The following NECAB2 variants were observed in gnomAD, a reference collection of about 807,000 sequenced individuals.
NECAB2 encodes the protein N-terminal EF-hand calcium binding protein 2, also known as N-terminal EF-hand calcium-binding protein 2.
A neutral mutation model predicts 51.9 loss-of-function variants in NECAB2; 68 were observed. That is an observed-to-expected ratio of 1.31 (90% confidence interval 1.08 to 1.60). NECAB2 has a LOEUF of 1.60. Ranked by LOEUF, NECAB2 falls within the 40% of genes most tolerant of loss-of-function variation. The pLI is 0.00. For synonymous variants in NECAB2, 329 were observed against 203.5 expected, an observed-to-expected ratio of 1.62 and a Z score of -5.25; for missense variants, 854 against 490.3, an observed-to-expected ratio of 1.74 and a Z score of -7.00.
In NECAB2 at chr16:83,998,312, C is replaced by T. The variant is rs762305706; in HGVS notation, c.957C>T (p.Cys319=). ...YLRGTTGVRN[C]FHITAVRLSD... Reference sequence around the variant, plus strand: ...GGGGGACCACTGGCGTGAGGAACTGCTTCCAGTGAGTGAGCTGCCGAGGCG... The same window carrying T: ...GGGGGACCACTGGCGTGAGGAACTGTTTCCAGTGAGTGAGCTGCCGAGGCG... The change falls in exon 10 of 13, where the codon TGC becomes TGT. Residue 319 remains cysteine, a synonymous_variant. Transcript: ENST00000305202. 7 of 1,613,292 alleles carry T rather than the reference C, an allele frequency of 4.3e-6. No individual in the cohort carries two copies. In the African/African-American group the frequency reaches 5.3e-5, roughly 12 times the overall value.
At chr16:83,993,006 C>T (rs113247587) in intron 6 of NECAB2, among the ~76,000 whole-genome samples, 9,901 of 152,260 alleles carry the variant, frequency 0.065, 405 homozygotes, top group Middle Eastern at 0.12. Flanking sequence ...TCAGCAGTTA[C>T]ACCCACCTGC....
Position 83,998,251 on chromosome 16 carries a change from T to C in NECAB2, c.896T>C (p.Leu299Pro). ...GAGATGGCCGTGTGCCCCGAGCAAC[T>C]GAGCGAGTTTCTGGACTCTCTGCGC... ...RQEMAVCPEQ[L>P]SEFLDSLRQY... Residue 299 changes from leucine (L) to proline (P), a missense_variant, in exon 10 of 13, where the codon CTG (leucine) becomes CCG (proline). Coordinates refer to ENST00000305202, the MANE Select transcript of NECAB2 (RefSeq NM_019065.3). 6.2e-7 allele frequency: 1 copy of C among 1,612,982 alleles called. No homozygotes were observed. Among genetic ancestry groups the C allele is most frequent in the Non-Finnish European group, 8.5e-7 (1 of 1,180,004 alleles).
upstream of NECAB2, among the ~76,000 whole-genome samples, chr16:83,967,752 G>GTGGA (rs1223878998): frequency 4.6e-5 from 6 of 131,302 alleles, no homozygotes; most frequent in Middle Eastern, 4.5e-3. Context: ...GGATGGGAGG[G>GTGGA]TGGATGGATG....
At chr16:83,965,190 C>G (rs763661179), upstream of NECAB2, 18 of 1,613,276 alleles carry the variant, frequency 1.1e-5, no homozygotes, top group Non-Finnish European at 1.5e-5. Flanking sequence ...TGGGGGACCC[C>G]CGATCCCAGC....
intron 2 of NECAB2, among the ~76,000 whole-genome samples, chr16:83,975,403 A>T (rs937147230): frequency 2.6e-5 from 4 of 152,020 alleles, no homozygotes; most frequent in Non-Finnish European, 5.9e-5. Context: ...CGATAGGCCC[A>T]CAAGCACACA....
At chr16:83,998,022 T>G (rs570625892) in intron 9 of NECAB2, among the ~76,000 whole-genome samples, 183 bp from the exon 10 acceptor site, 4 of 152,168 alleles carry the variant, frequency 2.6e-5, no homozygotes, top group Admixed American at 6.5e-5. Flanking sequence ...CACTGGGCTC[T>G]TGAGGTTCTA....
At chr16:83,969,050 G>A (rs2457541) in intron 1 of NECAB2, among the ~76,000 whole-genome samples, 1 of 150,912 alleles carries the variant, frequency 6.6e-6, no homozygotes, top group Non-Finnish European at 1.5e-5. Context: ...CCTCTCCCTG[G>A]ACCGGGAGAC....
intron 11 of NECAB2, among the ~76,000 whole-genome samples, chr16:84,001,338 A>AGGG (rs1012025589): frequency 1.8e-4 from 28 of 151,964 alleles, no homozygotes; most frequent in African/African-American, 6.3e-4. Flanking sequence ...AGCGGGGCCT[A>AGGG]GGGGTAGCCC....
intron 8 of NECAB2, among the ~76,000 whole-genome samples, chr16:83,995,900 A>C (rs1387027929): frequency 1.3e-5 from 2 of 152,304 alleles, no homozygotes; most frequent in East Asian, 3.9e-4. Flanking sequence ...ATAACAACTC[A>C]GCGGGCGCCT....
At chr16:84,000,900 A>G (rs2084818062) in intron 11 of NECAB2, 99 bp downstream of exon 11, 1 of 1,203,348 alleles carries the variant, frequency 8.3e-7, no homozygotes, top group Non-Finnish European at 1.2e-6. Flanking sequence ...GGTAAGGCCG[A>G]GTCCAGTCAG....
rs1315621164 is a variant in NECAB2 at position 84,001,805 on chromosome 16, C to A, written c.1041-20C>A. On this transcript the variant is annotated intron_variant, in intron 11 of 12. Transcript: ENST00000305202. Reference sequence around the variant, plus strand: ...CTCCACTCCTGCCACCCCTGACTCACACATGTCCCTGCGTCACAGGCACCT... The same window carrying A: ...CTCCACTCCTGCCACCCCTGACTCAAACATGTCCCTGCGTCACAGGCACCT... 1.9e-6 allele frequency: 3 copies of A among 1,613,522 alleles called. No individual in the cohort carries two copies. Among genetic ancestry groups the A allele is most frequent in the Non-Finnish European group, 2.5e-6 (3 of 1,179,530 alleles).
chr16:83,978,040 G>A (rs2084436145), intron 2 of NECAB2, among the ~76,000 whole-genome samples: 1 of 152,208 alleles, frequency 6.6e-6, no homozygotes, highest in African/African-American at 2.4e-5. Flanking sequence ...AGGTGGCCAT[G>A]TAAATTGAGA....
At chr16:83,968,965 G>A in intron 1 of NECAB2, 116 bp downstream of exon 1, 1 of 588,836 alleles carries the variant, frequency 1.7e-6, no homozygotes, top group Non-Finnish European at 2.2e-6. Context: ...ACCCGGGCAG[G>A]AGACCCCCGG....
chr16:83,998,269 C>T lies in NECAB2; in HGVS notation c.914C>T (p.Ser305Phe). 2 of 1,613,376 alleles carry T rather than the reference C, an allele frequency of 1.2e-6. No homozygotes were observed. The highest frequency in any genetic ancestry group is 1.3e-5 in the African/African-American group (1 of 74,996). ...GAGCAACTGAGCGAGTTTCTGGACT[C>T]TCTGCGCCAGTATCTGCGGGGGACC... Reference protein sequence around the residue: ...CPEQLSEFLDSLRQYLRGTTG... With the variant: ...CPEQLSEFLDFLRQYLRGTTG... The change falls in exon 10 of 13, where the codon TCT becomes TTT. Residue 305 changes from serine to phenylalanine, a missense_variant. Physicochemically the swap from Ser to Phe is radical, Grantham distance 155 (BLOSUM62 -2). Transcript: ENST00000305202.
chr16:83,998,435 C>A, intron 10 of NECAB2, 118 bp downstream of exon 10: 2 of 921,862 alleles, frequency 2.2e-6, no homozygotes, highest in South Asian at 3.2e-5. Context: ...CAGGGACACA[C>A]ACAGCTGGAT....
chr16:83,982,709 C>G (rs2084504208), intron 5 of NECAB2, among the ~76,000 whole-genome samples: 2 of 152,140 alleles, frequency 1.3e-5, no homozygotes, highest in South Asian at 4.2e-4. Flanking sequence ...CCATCAGTGT[C>G]TACTGATACA....
chr16:83,973,253 G>C (rs554711498), intron 2 of NECAB2, among the ~76,000 whole-genome samples: 48 of 152,356 alleles, frequency 3.2e-4, no homozygotes, highest in Middle Eastern at 3.4e-3. Flanking sequence ...GCAGTTGAGG[G>C]TGGCAGCTCT....
chr16:83,999,330 G>C (rs563032178), intron 10 of NECAB2, among the ~76,000 whole-genome samples: 16 of 152,270 alleles, frequency 1.1e-4, no homozygotes, highest in Admixed American at 9.8e-4. Context: ...GGCCAGACTT[G>C]ATCTTTTTCC....
At chr16:84,000,659 G>T in intron 10 of NECAB2, 65 bp from the exon 11 acceptor site, 8 of 1,454,406 alleles carry the variant, frequency 5.5e-6, no homozygotes, top group Non-Finnish European at 6.7e-6. Flanking sequence ...CCACCCCAGG[G>T]GAACAGCACT....
Sources: allele counts gnomAD v4.1 joint callset (sites outside exome capture counted in the v4.1 genomes callset), GRCh38; gene constraint gnomAD v4.1.1; transcripts MANE v1.5; gene names NCBI Gene and HGNC (gene_info 2026-07-23, HGNC 2026-07-21).